The following NOP14 variants were observed in gnomAD, a reference collection of about 807,000 sequenced individuals.
The protein encoded by NOP14 is nucleolar protein 14.
NOP14 carries 57 observed loss-of-function variants against 101.6 expected under a neutral mutation model. The ratio of observed to expected loss-of-function variants is 0.56; its 90% confidence interval spans 0.45 to 0.70. The LOEUF (loss-of-function observed/expected upper bound fraction) is 0.70, where lower values mean the gene tolerates loss of function less well. Ranked by LOEUF, NOP14 falls within the 30% of genes least tolerant of loss-of-function variation. NOP14 has a pLI of 0.00. For synonymous variants in NOP14, 428 were observed against 424.0 expected (o/e 1.01, Z -0.12); for missense variants, 1,134 against 1,075.5 (o/e 1.05, Z -0.76).
rs974083626 is a variant in NOP14 at position 2,957,303 on chromosome 4, T to C, written c.330+303A>G. ...GCATGAGCCACCGCGCCCGGCCTCA[T>C]GGAGGGGAATTCTTAAATAAGCCCA... On this transcript the variant is annotated intron_variant, in intron 2 of 17. Coordinates refer to ENST00000416614, the MANE Select transcript of NOP14 (RefSeq NM_001291978.2). Among the ~76,000 whole-genome samples the C allele has an allele frequency of 3.3e-5, 5 of 152,176 alleles. 1 individual carries two copies. The highest frequency in any genetic ancestry group is 2.6e-4 in the Admixed American group (4 of 15,272).
chr4:2,944,294 G>A (rs1475639242), intron 12 of NOP14, 68 bp from the exon 13 acceptor site: 17 of 1,495,354 alleles, frequency 1.1e-5, no homozygotes, highest in East Asian at 4.6e-5. Flanking sequence ...CGACCACCGG[G>A]CTTCCCTGAT....
Position 2,942,252 on chromosome 4 carries a change from A to G in NOP14, c.1991T>C (p.Leu664Pro). Residue 664 changes from leucine to proline, a missense_variant, in exon 14 of 18, where the codon CTC (leucine) becomes CCC (proline). Physicochemically the swap from Leu to Pro is moderately conservative, Grantham distance 98. Coordinates refer to ENST00000416614, the MANE Select transcript of NOP14 (RefSeq NM_001291978.2). ...EDVATWQQSSLSLRWASRLRA... is the reference protein window; with the variant it reads ...EDVATWQQSSPSLRWASRLRA... ...CAGTCTACTCGCCCAGCGGAGGGAG[A>G]GGCTGCTCTGCTGCCACGTGGCCAC... 1 of 1,614,058 alleles carries G rather than the reference A, an allele frequency of 6.2e-7. No individual in the cohort carries two copies. Among genetic ancestry groups the G allele is most frequent in the Non-Finnish European group, 8.5e-7 (1 of 1,179,992 alleles).
rs1213215459 is a variant in NOP14, at chr4:2,945,185, G to T, written c.1680C>A (p.Asp560Glu). Reference protein sequence around the residue: ...KITGLLFPTSDFWHPVVTPAL... With the variant: ...KITGLLFPTSEFWHPVVTPAL... Reference sequence around the variant, plus strand: ...CAGGGGTCACCACTGGGTGCCAGAAGTCGGAAGTTGGAAATAGCAGCCCAG... The same window carrying T: ...CAGGGGTCACCACTGGGTGCCAGAATTCGGAAGTTGGAAATAGCAGCCCAG... The change falls in exon 12 of 18, where the codon GAC becomes GAA. Residue 560 changes from aspartate (D) to glutamate (E), a missense_variant. Physicochemically the swap from Asp to Glu is conservative, Grantham distance 45 (BLOSUM62 2). Coordinates refer to ENST00000416614, the MANE Select transcript of NOP14 (RefSeq NM_001291978.2). The T allele has an allele frequency of 6.3e-7, 1 of 1,589,506 alleles. No individual in the cohort carries two copies. The highest frequency in any genetic ancestry group is 1.3e-5 in the African/African-American group (1 of 74,754).
chr4:2,946,769 T>C (rs1560299666), intron 10 of NOP14: 3 of 546,356 alleles, frequency 5.5e-6, no homozygotes, highest in Middle Eastern at 9.6e-4. Flanking sequence ...GAGAAACAGC[T>C]CGATTTGTGG....
intron 9 of NOP14, 36 bp from the exon 10 acceptor site, chr4:2,947,647 C>T: frequency 6.5e-7 from 1 of 1,536,360 alleles, no homozygotes; most frequent in Non-Finnish European, 9.0e-7. Flanking sequence ...AAGCTCAGTG[C>T]TCAGCACCAA....
chr4:2,954,495 C>T lies in NOP14; in HGVS notation c.541G>A (p.Glu181Lys), dbSNP rs774768247. The part of the protein sequence containing the change: ...LLHKKTQQEG[E>K]EREKPKSRKE... ...CGGGACTTCGGTTTCTCCCGCTCCT[C>T]GCCTTCCTGTTGAGTCTTCTTGTGA... Residue 181 changes from glutamate to lysine, a missense_variant, in exon 4 of 18, where the codon GAG (glutamate) becomes AAG (lysine). Coordinates refer to ENST00000416614, the MANE Select transcript of NOP14 (RefSeq NM_001291978.2). 78 of 1,614,098 alleles carry T rather than the reference C, an allele frequency of 4.8e-5. No homozygotes were observed. Among genetic ancestry groups the T allele is most frequent in the East Asian group, 1.3e-4 (6 of 44,898 alleles).
intron 13 of NOP14, among the ~76,000 whole-genome samples, chr4:2,943,508 G>A (rs1433870822): frequency 6.6e-6 from 1 of 152,216 alleles, no homozygotes; most frequent in Non-Finnish European, 1.5e-5. Context: ...GGAGCACAGG[G>A]GCTGGGGTGA....
chr4:2,942,824 G>A (rs745882883), intron 13 of NOP14, among the ~76,000 whole-genome samples: 16 of 142,230 alleles, frequency 1.1e-4, no homozygotes, highest in Admixed American at 2.0e-4. Context: ...AGGGGCAGAC[G>A]TCAGCAAAGG....
At chr4:2,944,361 CA>C in intron 12 of NOP14, 135 bp from the exon 13 acceptor site, 1 of 600,188 alleles carries the variant, frequency 1.7e-6, no homozygotes, top group Non-Finnish European at 2.8e-6. Flanking sequence ...CACCTTATAG[CA>C]GTGTCGAGAG....
chr4:2,943,986 T>C, intron 13 of NOP14, 87 bp downstream of exon 13: 1 of 1,135,648 alleles, frequency 8.8e-7, no homozygotes, highest in Non-Finnish European at 1.3e-6. Flanking sequence ...CTTTCGCATA[T>C]TCTAAACTTT....
At chr4:2,954,089 G>C (rs774715095) in intron 4 of NOP14, among the ~76,000 whole-genome samples, 10 of 152,124 alleles carry the variant, frequency 6.6e-5, no homozygotes, top group Non-Finnish European at 1.2e-4. Flanking sequence ...CTAGCTACTT[G>C]GGGAGCTGAG....
Position 2,945,170 on chromosome 4 carries a change from C to T in NOP14, c.1695G>A (p.Val565=). ...TGAGGCACACGAGGGCAGGGGTCAC[C>T]ACTGGGTGCCAGAAGTCGGAAGTTG... ...LFPTSDFWHP[V]VTPALVCLSQ... Residue 565 remains valine, a synonymous_variant, in exon 12 of 18, where the codon GTG becomes GTA. Coordinates refer to ENST00000416614, the MANE Select transcript of NOP14 (RefSeq NM_001291978.2). 6.3e-7 allele frequency: 1 copy of T among 1,592,688 alleles called. No homozygotes were observed. Among genetic ancestry groups the T allele is most frequent in the East Asian group, 2.3e-5 (1 of 44,120 alleles).
intron 8 of NOP14, among the ~76,000 whole-genome samples, chr4:2,948,931 G>T (rs1384344156): frequency 6.6e-6 from 1 of 152,220 alleles, no homozygotes; most frequent in African/African-American, 2.4e-5. Context: ...CTGGGAACAG[G>T]CTAATAAGGA....
rs1261468481 is a variant in NOP14, at chr4:2,941,677, ACATGAGCACGCAGCG to A, written c.2089_2103del (p.Arg697_Met701del). 6.2e-7 allele frequency: 1 copy of A among 1,613,312 alleles called. No individual in the cohort carries two copies. Among genetic ancestry groups the A allele is most frequent in the Non-Finnish European group, 8.5e-7 (1 of 1,179,914 alleles). On this transcript the variant is annotated inframe_deletion, in exon 15 of 18. Coordinates refer to ENST00000416614, the MANE Select transcript of NOP14 (RefSeq NM_001291978.2). ...GCGTGGAAGGATGGCAGGGACCCGT[ACATGAGCACGCAGCG>A]CTTCAGCAGGGCCAGGCCCACAGCC... is the stretch of plus-strand genomic sequence containing the variant.
At chr4:2,941,911 C>A in intron 14 of NOP14, 182 bp from the exon 15 acceptor site, 4 of 719,580 alleles carry the variant, frequency 5.6e-6, no homozygotes, top group Non-Finnish European at 9.0e-6. Flanking sequence ...TCAGGCCTAA[C>A]GCAGGAGGGG....
intron 9 of NOP14, among the ~76,000 whole-genome samples, chr4:2,947,861 C>T (rs1560300487): frequency 6.6e-6 from 1 of 152,220 alleles, no homozygotes; most frequent in East Asian, 1.9e-4. Flanking sequence ...TGACAACACA[C>T]CACTAGGAAA....
At chr4:2,954,937 C>T (rs1454990024) in intron 3 of NOP14, among the ~76,000 whole-genome samples, 1 of 152,074 alleles carries the variant, frequency 6.6e-6, no homozygotes, top group Non-Finnish European at 1.5e-5. Flanking sequence ...GTGTCCCTCC[C>T]ACCTCCCTGG....
chr4:2,944,941 C>T (rs1714502738), intron 12 of NOP14, among the ~76,000 whole-genome samples, 187 bp downstream of exon 12: 1 of 152,246 alleles, frequency 6.6e-6, no homozygotes, highest in South Asian at 2.1e-4. Context: ...CCCTCCCACT[C>T]CCACCCACAT....
chr4:2,949,064 T>G (rs944308196), intron 8 of NOP14, among the ~76,000 whole-genome samples: 1 of 152,214 alleles, frequency 6.6e-6, no homozygotes, highest in African/African-American at 2.4e-5. Context: ...AAGGAGCCAC[T>G]GTGAGCCAAG....
Sources: gnomAD v4.1 joint callset for allele counts (sites outside exome capture counted in the v4.1 genomes callset) on GRCh38, gnomAD v4.1.1 for gene constraint, MANE v1.5 for transcripts, NCBI Gene and HGNC (gene_info 2026-07-23, HGNC 2026-07-21) for gene names.